RAB26: variants seen among roughly 807,000 people sequenced by gnomAD.
RAB26 encodes ras-related protein Rab-26.
Under a neutral mutation model 33.1 loss-of-function variants are expected in RAB26, and 39 were observed. The ratio of observed to expected loss-of-function variants is 1.18; its 90% confidence interval spans 0.91 to 1.54. The LOEUF (loss-of-function observed/expected upper bound fraction) is 1.54, where lower values mean the gene tolerates loss of function less well. Among genes scored for constraint, RAB26 ranks in the 40% most tolerant of loss-of-function variants. The pLI, the probability that RAB26 is intolerant of heterozygous loss-of-function variation, is 0.00. For missense variants in RAB26, 468 were observed against 362.9 expected (o/e 1.29, Z -2.35); for synonymous variants, 192 against 151.9 (o/e 1.26, Z -1.94).
chr16:2,151,741 C>A lies in RAB26; in HGVS notation c.395C>A (p.Ala132Asp), dbSNP rs773607644. The A allele has an allele frequency of 1.2e-6, 2 of 1,613,964 alleles. No homozygotes were observed. Among genetic ancestry groups the A allele is most frequent in the Non-Finnish European group, 1.7e-6 (2 of 1,180,022 alleles). Residue 132 changes from alanine to aspartate, a missense_variant, in exon 4 of 9, where the codon GCC becomes GAC. Physicochemically the swap from Ala to Asp is moderately radical, Grantham distance 126. Coordinates refer to ENST00000210187, the MANE Select transcript of RAB26 (RefSeq NM_014353.5). ...GQERFRSVTH[A>D]YYRDAHALLL... ...GAGCGGTTCCGCAGTGTTACCCATG[C>A]CTACTACCGGGATGCTCATGGTGAG...
At chr16:2,150,249 G>A (rs1178404101) in intron 2 of RAB26, among the ~76,000 whole-genome samples, 198 bp downstream of exon 2, 5 of 152,210 alleles carry the variant, frequency 3.3e-5, no homozygotes, top group Admixed American at 1.3e-4. Flanking sequence ...TGGCATTACC[G>A]AGGGACCATA....
chr16:2,152,241 C>T (rs1417147344), intron 5 of RAB26, among the ~76,000 whole-genome samples: 1 of 152,226 alleles, frequency 6.6e-6, no homozygotes, highest in Non-Finnish European at 1.5e-5. Flanking sequence ...GAAACCCCAT[C>T]TCTACTAAAA....
Position 2,151,734 on chromosome 16 carries a change from A to G in RAB26, c.388A>G (p.Thr130Ala). 1.2e-6 allele frequency: 2 copies of G among 1,613,902 alleles called. No homozygotes were observed. Among genetic ancestry groups the G allele is most frequent in the Non-Finnish European group, 8.5e-7 (1 of 1,180,018 alleles). ...TAGQERFRSV[T>A]HAYYRDAHAL... ...TGGTCAGGAGCGGTTCCGCAGTGTT[A>G]CCCATGCCTACTACCGGGATGCTCA... The change falls in exon 4 of 9, where the codon ACC (threonine) becomes GCC (alanine). Residue 130 changes from threonine (T) to alanine (A), a missense_variant. Transcript: ENST00000210187.
chr16:2,153,633 G>A lies in RAB26; in HGVS notation c.*212G>A, dbSNP rs1001244910. The A allele has an allele frequency of 1.1e-5, 7 of 664,204 alleles. No individual in the cohort carries two copies. Among genetic ancestry groups the A allele is most frequent in the South Asian group, 3.1e-5 (2 of 63,810 alleles). 41.1% of individuals were successfully genotyped at this position (664,204 alleles called of 1,614,324 possible). ...CCCGTGGCCGCACACTGGCCGCCACGGAAAAGCAGTCTTCTGCACGGGACG... is the reference window on the plus strand; with the variant it reads ...CCCGTGGCCGCACACTGGCCGCCACAGAAAAGCAGTCTTCTGCACGGGACG... On this transcript the variant is annotated 3_prime_UTR_variant, in exon 9 of 9. Transcript: ENST00000210187.
Position 2,151,679 on chromosome 16 carries a change from G to A in RAB26, c.349-16G>A, listed in dbSNP as rs760924877. The A allele has an allele frequency of 1.2e-6, 2 of 1,614,042 alleles. No homozygotes were observed. Among genetic ancestry groups the A allele is most frequent in the East Asian group, 2.2e-5 (1 of 44,892 alleles). On this transcript the variant is annotated splice_polypyrimidine_tract_variant and intron_variant, in intron 3 of 8. Coordinates refer to ENST00000210187, the MANE Select transcript of RAB26 (RefSeq NM_014353.5). ...AGGGAAGGGCTGGACAGCCTGACCAGTGCCTGTCGCTGCAGATGTGGGACA... is the reference window on the plus strand; with the variant it reads ...AGGGAAGGGCTGGACAGCCTGACCAATGCCTGTCGCTGCAGATGTGGGACA...
At position 2,152,993 on chromosome 16, in the gene RAB26, A is replaced by ACTCT. The variant is rs750605465; in HGVS notation, c.540_543dup (p.Ala182LeufsTer4). The ACTCT allele has an allele frequency of 7.6e-6, 12 of 1,587,598 alleles. No individual in the cohort carries two copies. The highest frequency in any genetic ancestry group is 1.0e-5 in the Non-Finnish European group (12 of 1,163,350). Reference sequence around the variant, plus strand: ...AAGACCCTGTGCCTGGGCCAGGTGGACTCTGCCCATGAGCGTGTGGTGAAG... The same window carrying ACTCT: ...AAGACCCTGTGCCTGGGCCAGGTGGACTCTCTCTGCCCATGAGCGTGTGGTGAAG... On this transcript the variant is annotated frameshift_variant, in exon 7 of 9. Transcript: ENST00000210187. LOFTEE classifies it high-confidence loss of function.
rs761012536 is a variant in RAB26 at position 2,153,652 on chromosome 16, C to T, written c.*231C>T. 1.8e-5 allele frequency: 12 copies of T among 661,126 alleles called. No individual in the cohort carries two copies. Among genetic ancestry groups the T allele is most frequent in the African/African-American group, 8.9e-5 (5 of 56,358 alleles). 41.0% of individuals were successfully genotyped at this position (661,126 alleles called of 1,614,324 possible). A position where few individuals can be genotyped will look rare whatever the true frequency, so the allele number is the denominator to read the frequency against. On this transcript the variant is annotated 3_prime_UTR_variant, in exon 9 of 9. Transcript: ENST00000210187. ...CGCCACGGAAAAGCAGTCTTCTGCA[C>T]GGGACGGGGAGCGGCAAGTGGACAG...
intron 1 of RAB26, 115 bp from the exon 2 acceptor site, chr16:2,149,826 T>C (rs2092998803): frequency 1.4e-6 from 1 of 737,472 alleles, no homozygotes; most frequent in Non-Finnish European, 2.1e-6. Flanking sequence ...CTGGCCCCGC[T>C]GAGCCTGCAG....
At chr16:2,152,002 C>T in intron 5 of RAB26, 94 bp downstream of exon 5, 1 of 1,513,812 alleles carries the variant, frequency 6.6e-7, no homozygotes, top group East Asian at 2.3e-5. Flanking sequence ...TCCAAAGGAC[C>T]CCGCTGAGAG....
chr16:2,151,146 C>T, intron 2 of RAB26: 3 of 455,948 alleles, frequency 6.6e-6, no homozygotes, highest in South Asian at 3.1e-5. Context: ...CTCACTCTGT[C>T]GCCCTGGCTG....
intron 5 of RAB26, among the ~76,000 whole-genome samples, chr16:2,152,447 G>T (rs182943833): frequency 6.6e-6 from 1 of 151,870 alleles, no homozygotes; most frequent in Non-Finnish European, 1.5e-5. Flanking sequence ...TGAGGTGGGC[G>T]GATCACGAGG....
In RAB26 at chr16:2,151,488, G is replaced by C. The variant is rs79535819; in HGVS notation, c.307-81G>C. ...GGACCTGGGAGCTGGGAGGTCTCAG[G>C]GGACAGGAAGGCAGTGAAGCTAGTG... On this transcript the variant is annotated intron_variant, in intron 2 of 8. Coordinates refer to ENST00000210187, the MANE Select transcript of RAB26 (RefSeq NM_014353.5). 4.4e-3 allele frequency: 6,977 copies of C among 1,600,442 alleles called. 23 individuals carry two copies. The highest frequency in any genetic ancestry group is 4.8e-3 in the Non-Finnish European group (5,664 of 1,170,476).
chr16:2,148,696 G>C lies in RAB26; in HGVS notation c.-88G>C. ...GCCGCCGCCGCCAGGGGAAGGGTTC[G>C]GGTCCGGGTCGGGCTCGGCGGGCGC... On this transcript the variant is annotated 5_prime_UTR_variant, in exon 1 of 9. Coordinates refer to ENST00000210187, the MANE Select transcript of RAB26 (RefSeq NM_014353.5). The C allele has an allele frequency of 1.7e-6, 2 of 1,143,790 alleles. No individual in the cohort carries two copies. The highest frequency in any genetic ancestry group is 3.5e-5 in the East Asian group (1 of 28,334). The allele number at this position is 1,143,790 out of a possible 1,614,324, so 70.9% of individuals were successfully genotyped here. A position where few individuals can be genotyped will look rare whatever the true frequency, so the allele number is the denominator to read the frequency against.
chr16:2,150,496 G>A (rs1028202964), intron 2 of RAB26, among the ~76,000 whole-genome samples: 3 of 139,470 alleles, frequency 2.2e-5, no homozygotes, highest in Admixed American at 8.0e-5. Flanking sequence ...GGAATTCCTC[G>A]TGCTGAGGTG....
In RAB26 at chr16:2,153,414, G is replaced by A. The variant is rs1013366797; in HGVS notation, c.764G>A (p.Arg255His). 4.0e-5 allele frequency: 64 copies of A among 1,613,164 alleles called. No individual in the cohort carries two copies. Among genetic ancestry groups the A allele is most frequent in the Non-Finnish European group, 5.0e-5 (59 of 1,179,982 alleles). ...GAGGGTCGAGGGGCCTCCTGCTGCC[G>A]CCCTTGAACCTGGCTGAGCTCAGTC... The part of the protein sequence containing the change: ...KREGRGASCC[R>H]P The change falls in exon 9 of 9, where the codon CGC becomes CAC. Residue 255 changes from arginine to histidine, a missense_variant. By Grantham distance (29) the Arg-to-His change is conservative. Transcript: ENST00000210187.
chr16:2,150,313 GAAGTC>G (rs1287765816), intron 2 of RAB26, among the ~76,000 whole-genome samples: 3 of 152,230 alleles, frequency 2.0e-5, no homozygotes, highest in Non-Finnish European at 4.4e-5. Context: ...TGGGTCAGAG[GAAGTC>G]AAGGGCCACG....
chr16:2,153,627 C>A lies in RAB26; in HGVS notation c.*206C>A. On this transcript the variant is annotated 3_prime_UTR_variant, in exon 9 of 9. Transcript: ENST00000210187. ...TGAGAGCCCGTGGCCGCACACTGGC[C>A]GCCACGGAAAAGCAGTCTTCTGCAC... 1 of 665,474 alleles carries A rather than the reference C, an allele frequency of 1.5e-6. No individual in the cohort carries two copies. The highest frequency in any genetic ancestry group is 2.7e-6 in the Non-Finnish European group (1 of 366,448). The allele number at this position is 665,474 out of a possible 1,614,324, so 41.2% of individuals were successfully genotyped here. A position where few individuals can be genotyped will look rare whatever the true frequency, so the allele number is the denominator to read the frequency against.
At chr16:2,149,911 G>C in intron 1 of RAB26, 30 bp from the exon 2 acceptor site, 1 of 1,484,958 alleles carries the variant, frequency 6.7e-7, no homozygotes, top group South Asian at 1.3e-5. Flanking sequence ...GGGCAGACCA[G>C]ACTCCCCCCA....
chr16:2,153,328 G>A lies in RAB26; in HGVS notation c.678G>A (p.Lys226=), dbSNP rs762960636. Residue 226 remains lysine (K), a synonymous_variant, in exon 9 of 9, where the codon AAG becomes AAA. Coordinates refer to ENST00000210187, the MANE Select transcript of RAB26 (RefSeq NM_014353.5). ...CACCCCCACTCCGCAGGGAGTTGAA[G>A]CAGCGCTCCATGAAGGCTCCCAGCG... ...LAFTAIAKEL[K]QRSMKAPSEP... 27 of 1,613,512 alleles carry A rather than the reference G, an allele frequency of 1.7e-5. No individual in the cohort carries two copies. The East Asian group carries it at 5.6e-4, about 33-fold the overall frequency.
Sources: gnomAD v4.1 joint callset for allele counts (sites outside exome capture counted in the v4.1 genomes callset) on GRCh38, gnomAD v4.1.1 for gene constraint, MANE v1.5 for transcripts, NCBI Gene and HGNC (gene_info 2026-07-23, HGNC 2026-07-21) for gene names.